Variants in LURAP1 observed in about 807,000 individuals in gnomAD.
LURAP1 encodes the protein leucine rich adaptor protein 1, also known as NF-kappa-B activator C1orf190.
In LURAP1, 14 loss-of-function variants were observed where a neutral mutation model predicts 19.0. That is an observed-to-expected ratio of 0.74 (90% CI 0.49 to 1.15). LURAP1 has a LOEUF of 1.15. Among genes scored for constraint, LURAP1 ranks in the 50% most tolerant of loss-of-function variants. The pLI is 0.00. For synonymous variants in LURAP1, 129 were observed against 131.8 expected (o/e 0.98, Z 0.14); for missense variants, 273 against 309.1 (o/e 0.88, Z 0.87).
chr1:46,204,593 G>T (rs1478677637), intron 1 of LURAP1, among the ~76,000 whole-genome samples: 3 of 152,200 alleles, frequency 2.0e-5, no homozygotes, highest in Non-Finnish European at 4.4e-5. Flanking sequence ...GGAAATCATG[G>T]GGGCTCTGAG....
intron 1 of LURAP1, 45 bp downstream of exon 1, chr1:46,203,669 G>A: frequency 6.4e-7 from 1 of 1,559,196 alleles, no homozygotes; most frequent in Non-Finnish European, 8.7e-7. Flanking sequence ...CCCTAGTGTA[G>A]GGCCGGGAGG....
chr1:46,212,861 A>G (rs1368769261), intron 1 of LURAP1, among the ~76,000 whole-genome samples: 1 of 151,640 alleles, frequency 6.6e-6, no homozygotes, highest in African/African-American at 2.4e-5. Flanking sequence ...CCGAGTTCAC[A>G]CCATTCTCTT....
chr1:46,217,526 G>C (rs1659103241), intron 1 of LURAP1, among the ~76,000 whole-genome samples: 1 of 152,164 alleles, frequency 6.6e-6, no homozygotes, highest in Non-Finnish European at 1.5e-5. Context: ...AGATGGGAAG[G>C]GTATCTGTAT....
rs1220885284 is a variant in LURAP1 at position 46,221,093 on chromosome 1, G to T, written c.*873G>T. ...TTGGATGGTAGTAGGTCATATAGGG[G>T]CATCTGAGCCCCTGCTGCTAAGTGA... is the stretch of plus-strand genomic sequence containing the variant. On this transcript the variant is annotated 3_prime_UTR_variant, in exon 2 of 2. Transcript: ENST00000371980. 6.6e-6 allele frequency: 1 copy of T among 152,170 alleles called. No individual in the cohort carries two copies. The highest frequency in any genetic ancestry group is 1.9e-4 in the East Asian group (1 of 5,198). 9.4% of individuals were successfully genotyped at this position (152,170 alleles called of 1,614,324 possible).
At chr1:46,212,465 C>T (rs1011980623) in intron 1 of LURAP1, among the ~76,000 whole-genome samples, 12 of 151,524 alleles carry the variant, frequency 7.9e-5, no homozygotes, top group African/African-American at 1.2e-4. Context: ...GTATTTTTAA[C>T]AGAGACGGGG....
intron 1 of LURAP1, among the ~76,000 whole-genome samples, chr1:46,210,418 T>G (rs1007794308): frequency 6.6e-6 from 1 of 152,180 alleles, no homozygotes; most frequent in Non-Finnish European, 1.5e-5. Context: ...TAATTTAATT[T>G]CAACTCTGTC....
rs1364354600 is a variant in LURAP1, at chr1:46,203,415, G to T, written c.-12G>T. On this transcript the variant is annotated 5_prime_UTR_variant, in exon 1 of 2. Transcript: ENST00000371980. ...CGTCCGGTCGCCCAGCCCTTTTCAG[G>T]CTTGGGCCCGCATGGAGGGGACCGT... is the stretch of plus-strand genomic sequence containing the variant. 8 of 1,450,044 alleles carry T rather than the reference G, an allele frequency of 5.5e-6. No individual in the cohort carries two copies. The highest frequency in any genetic ancestry group is 7.3e-6 in the Non-Finnish European group (8 of 1,099,492). The allele number at this position is 1,450,044 out of a possible 1,614,324, so 89.8% of individuals were successfully genotyped here.
intron 1 of LURAP1, among the ~76,000 whole-genome samples, chr1:46,211,315 A>G (rs1057085114): frequency 4.6e-5 from 7 of 152,116 alleles, no homozygotes; most frequent in African/African-American, 1.7e-4. Context: ...GGAAGGTGAG[A>G]GGAGAGCAGG....
intron 1 of LURAP1, among the ~76,000 whole-genome samples, chr1:46,207,089 T>A (rs1193589894): frequency 6.6e-6 from 1 of 152,062 alleles, no homozygotes; most frequent in Non-Finnish European, 1.5e-5. Context: ...CTTCTATTTT[T>A]TTTTTTTTGA....
At chr1:46,218,974 T>C (rs533607077) in intron 1 of LURAP1, among the ~76,000 whole-genome samples, 2 of 152,224 alleles carry the variant, frequency 1.3e-5, no homozygotes, top group African/African-American at 4.8e-5. Flanking sequence ...TTTCTATGTC[T>C]TTCTGGTGAA....
At position 46,212,350 on chromosome 1, in the gene LURAP1, A is replaced by G. The variant is rs562325856; in HGVS notation, c.199-7349A>G. The stretch of plus-strand genomic sequence containing the variant: ...GGCTGGAGTGCAGTGGCGCGATCTC[A>G]GCTCACTGCAAGCTCCGCCTCCCGG... On this transcript the variant is annotated intron_variant, in intron 1 of 1. Coordinates refer to ENST00000371980, the MANE Select transcript of LURAP1 (RefSeq NM_001013615.3). 5.6e-4 allele frequency among the ~76,000 whole-genome samples: 84 copies of G among 149,998 alleles called. 1 individual carries two copies. In the East Asian group the frequency reaches 0.014, roughly 25 times the overall value.
At chr1:46,212,433 G>A (rs1169390353) in intron 1 of LURAP1, among the ~76,000 whole-genome samples, 20 of 148,914 alleles carry the variant, frequency 1.3e-4, no homozygotes, top group African/African-American at 5.0e-4. Context: ...GGCGTACACT[G>A]CCACGCCCAG....
Position 46,203,446 on chromosome 1 carries a change from C to A in LURAP1, c.20C>A (p.Ser7Tyr). ...GCCCGCATGGAGGGGACCGTGGAGT[C>A]CCAGACGCCTGACCTGCGGGATGTG... MEGTVE[S>Y]QTPDLRDVEG... The change falls in exon 1 of 2, where the codon TCC (serine) becomes TAC (tyrosine). Residue 7 changes from serine to tyrosine, a missense_variant. Coordinates refer to ENST00000371980, the MANE Select transcript of LURAP1 (RefSeq NM_001013615.3). The A allele has an allele frequency of 6.7e-7, 1 of 1,488,400 alleles. No individual in the cohort carries two copies. The highest frequency in any genetic ancestry group is 8.9e-7 in the Non-Finnish European group (1 of 1,119,666). 92.2% of individuals were successfully genotyped at this position (1,488,400 alleles called of 1,614,324 possible). A position where few individuals can be genotyped will look rare whatever the true frequency, so the allele number is the denominator to read the frequency against.
intron 1 of LURAP1, among the ~76,000 whole-genome samples, chr1:46,209,267 A>G (rs1014737866): frequency 8.5e-4 from 129 of 152,216 alleles, no homozygotes; most frequent in African/African-American, 2.9e-3. Flanking sequence ...CAGGTGATCC[A>G]TCCGCCTTGG....
In LURAP1 at chr1:46,219,778, T is replaced by G. The variant is rs746465104; in HGVS notation, c.278T>G (p.Leu93Arg). ...GAGGGCATCGAGGCAGTGCGCTGGC[T>G]GTTGGAGGAGCGGGGGACGTTGACC... ...LNEGIEAVRWLLEERGTLTSH... is the reference protein window; with the variant it reads ...LNEGIEAVRWRLEERGTLTSH... Residue 93 changes from leucine (L) to arginine (R), a missense_variant, in exon 2 of 2, where the codon CTG becomes CGG. Leu to Arg is a moderately radical substitution (Grantham distance 102). Coordinates refer to ENST00000371980, the MANE Select transcript of LURAP1 (RefSeq NM_001013615.3). The G allele has an allele frequency of 6.2e-7, 1 of 1,614,014 alleles. No individual in the cohort carries two copies. Among genetic ancestry groups the G allele is most frequent in the Non-Finnish European group, 8.5e-7 (1 of 1,180,028 alleles).
chr1:46,219,812 C>A lies in LURAP1; in HGVS notation c.312C>A (p.Cys104Ter). The A allele has an allele frequency of 6.2e-7, 1 of 1,614,210 alleles. No homozygotes were observed. The highest frequency in any genetic ancestry group is 8.5e-7 in the Non-Finnish European group (1 of 1,180,042). Reference protein sequence around the residue: ...LEERGTLTSHCSSLTSSQYSL... With the variant: ...LEERGTLTSH ...AGCGGGGGACGTTGACCAGTCATTG[C>A]AGCAGCCTCACCAGCAGTCAATATA... is the stretch of plus-strand genomic sequence containing the variant. Residue 104 changes from cysteine to a stop codon, truncating the protein, a stop_gained, in exon 2 of 2, where the codon TGC becomes TGA. Transcript: ENST00000371980. LOFTEE classifies it high-confidence loss of function.
At chr1:46,203,907 G>A (rs1658629347) in intron 1 of LURAP1, among the ~76,000 whole-genome samples, 2 of 152,074 alleles carry the variant, frequency 1.3e-5, no homozygotes, top group Non-Finnish European at 2.9e-5. Context: ...GGAGAGAGAT[G>A]AGGACTGGGA....
At chr1:46,208,195 G>A (rs1658780760) in intron 1 of LURAP1, among the ~76,000 whole-genome samples, 1 of 151,990 alleles carries the variant, frequency 6.6e-6, no homozygotes, top group African/African-American at 2.4e-5. Flanking sequence ...GTCTTGCTAT[G>A]TTGCCCAGGC....
At chr1:46,208,640 C>G (rs1490224622) in intron 1 of LURAP1, among the ~76,000 whole-genome samples, 1 of 151,956 alleles carries the variant, frequency 6.6e-6, no homozygotes, top group Non-Finnish European at 1.5e-5. Context: ...GTCAGGAGTT[C>G]GAGACCAGCC....
Sources: gnomAD v4.1 joint callset for allele counts (sites outside exome capture counted in the v4.1 genomes callset) on GRCh38, gnomAD v4.1.1 for gene constraint, MANE v1.5 for transcripts, NCBI Gene and HGNC (gene_info 2026-07-23, HGNC 2026-07-21) for gene names.